Variants in SAFB2 observed in about 807,000 individuals in gnomAD.
SAFB2 encodes scaffold attachment factor B2.
Under a neutral mutation model 100.6 loss-of-function variants are expected in SAFB2, and 32 were observed. That is an observed-to-expected ratio of 0.32 (90% CI 0.24 to 0.43). The LOEUF (loss-of-function observed/expected upper bound fraction) is 0.43, where lower values mean the gene tolerates loss of function less well. Ranked by LOEUF, SAFB2 falls within the 20% of genes least tolerant of loss-of-function variation. SAFB2 has a pLI of 1.00. For synonymous variants in SAFB2, 500 were observed against 439.4 expected (o/e 1.14, Z -1.72); for missense variants, 1,185 against 1,163.4 (o/e 1.02, Z -0.27).
At position 5,598,794 on chromosome 19, in the gene SAFB2, C is replaced by G. The variant is rs1459487137; in HGVS notation, c.1781G>C (p.Arg594Thr). 2 of 1,614,088 alleles carry G rather than the reference C, an allele frequency of 1.2e-6. No homozygotes were observed. Among genetic ancestry groups the G allele is most frequent in the Non-Finnish European group, 1.7e-6 (2 of 1,179,934 alleles). ...SVKTTSRSKE[R>T]SSKSQDRKSE... ...TGAGATGGCAGAGGCAATACTCACTCTCTCTTTGGACCTGCTTGTGGTTTT... is the reference window on the plus strand; with the variant it reads ...TGAGATGGCAGAGGCAATACTCACTGTCTCTTTGGACCTGCTTGTGGTTTT... Residue 594 changes from arginine to threonine, a missense_variant and splice_region_variant, in exon 13 of 21, where the codon AGA becomes ACA. By Grantham distance (71) the Arg-to-Thr change is moderately conservative (BLOSUM62 -1). Coordinates refer to ENST00000252542, the MANE Select transcript of SAFB2 (RefSeq NM_014649.3).
chr19:5,588,861 G>A (rs1434535790), intron 18 of SAFB2: 2 of 152,274 alleles, frequency 1.3e-5, no homozygotes, highest in Non-Finnish European at 2.9e-5. Context: ...TGTGTGTCGT[G>A]TGAACTATAC....
At chr19:5,611,935 G>A in intron 6 of SAFB2, 1 of 499,474 alleles carries the variant, frequency 2.0e-6, no homozygotes, top group Non-Finnish European at 3.6e-6. Flanking sequence ...TCTTCTGACT[G>A]ATTTTCCAAT....
intron 9 of SAFB2, among the ~76,000 whole-genome samples, chr19:5,606,767 A>G (rs1568221267): frequency 6.6e-6 from 1 of 152,242 alleles, no homozygotes; most frequent in Non-Finnish European, 1.5e-5. Context: ...TTTCAAAATG[A>G]AGACAAAGTA....
intron 17 of SAFB2, 127 bp downstream of exon 17, chr19:5,591,621 T>C (rs934871395): frequency 1.8e-4 from 143 of 811,904 alleles, no homozygotes; most frequent in African/African-American, 1.7e-5. Context: ...CACACTTGCA[T>C]ACCCGCCACA....
intron 9 of SAFB2, among the ~76,000 whole-genome samples, chr19:5,608,307 A>T (rs1034362006): frequency 6.6e-6 from 1 of 152,176 alleles, no homozygotes; most frequent in Admixed American, 6.5e-5. Context: ...TAATACGCTC[A>T]TCACAACACA....
intron 12 of SAFB2, among the ~76,000 whole-genome samples, 187 bp from the exon 13 acceptor site, chr19:5,599,071 G>A (rs2052597786): frequency 6.6e-6 from 1 of 152,084 alleles, no homozygotes; most frequent in Admixed American, 6.5e-5. Context: ...CAGCATCATG[G>A]GGGTACCCTC....
At chr19:5,602,536 T>C (rs963401993) in intron 11 of SAFB2, among the ~76,000 whole-genome samples, 6 of 142,314 alleles carry the variant, frequency 4.2e-5, no homozygotes, top group African/African-American at 1.6e-4. Context: ...TTAAGAGCCA[T>C]GGGGCTCCGA....
intron 13 of SAFB2, among the ~76,000 whole-genome samples, chr19:5,597,541 C>T (rs1265562811): frequency 6.6e-6 from 1 of 152,210 alleles, no homozygotes; most frequent in African/African-American, 2.4e-5. Context: ...AGCTCCAGCA[C>T]ATCCTCTGTC....
chr19:5,612,438 G>C, intron 6 of SAFB2, 102 bp downstream of exon 6: 9 of 1,061,274 alleles, frequency 8.5e-6, no homozygotes, highest in Non-Finnish European at 1.2e-5. Context: ...TCCACCATTA[G>C]AGCAATTTAC....
chr19:5,593,914 C>T lies in SAFB2; in HGVS notation c.2184G>A (p.Gly728=), dbSNP rs748690083. 2.6e-6 allele frequency: 4 copies of T among 1,524,564 alleles called. No homozygotes were observed. The African/African-American group carries it at 4.2e-5, about 16-fold the overall frequency. 94.4% of individuals were successfully genotyped at this position (1,524,564 alleles called of 1,614,324 possible). The change falls in exon 15 of 21, where the codon GGG becomes GGA. Residue 728 remains glycine, a synonymous_variant. Transcript: ENST00000252542. The part of the protein sequence containing the change: ...QLRYEQERRP[G]RRPYDLDRRD... The stretch of plus-strand genomic sequence containing the variant: ...ACCGGTCCAGGTCGTAGGGCCTCCG[C>T]CCGGGCCGCCGCTCCTGCTCGTAAC...
chr19:5,611,781 T>G, intron 6 of SAFB2, 151 bp from the exon 7 acceptor site: 1 of 555,856 alleles, frequency 1.8e-6, no homozygotes, highest in Non-Finnish European at 3.3e-6. Context: ...CACAAAGTTA[T>G]ACTGGTTACA....
At chr19:5,601,021 C>G (rs1347492283) in intron 11 of SAFB2, among the ~76,000 whole-genome samples, 1 of 152,186 alleles carries the variant, frequency 6.6e-6, no homozygotes, top group Non-Finnish European at 1.5e-5. Context: ...CCAGCAAGCA[C>G]CTGTTGGCCT....
chr19:5,602,049 A>G (rs2052669718), intron 11 of SAFB2, among the ~76,000 whole-genome samples: 1 of 152,204 alleles, frequency 6.6e-6, no homozygotes. Flanking sequence ...CACAAGGCCA[A>G]CCACTAATCT....
In SAFB2 at chr19:5,592,681, C is replaced by A. The variant is rs142014220; in HGVS notation, c.2348+66G>T. On this transcript the variant is annotated intron_variant, in intron 16 of 20. Transcript: ENST00000252542. ...AGGAACCCCTGCACTGGGCTGAGAACGAGGTCAGCTGGATGCCCCGGTGCC... is the reference window on the plus strand; with the variant it reads ...AGGAACCCCTGCACTGGGCTGAGAAAGAGGTCAGCTGGATGCCCCGGTGCC... 519 of 1,588,030 alleles carry A rather than the reference C, an allele frequency of 3.3e-4. 1 individual carries two copies. The African/African-American group carries it at 6.3e-3, about 19-fold the overall frequency.
intron 18 of SAFB2, chr19:5,588,884 A>G (rs917103534): frequency 6.6e-6 from 1 of 152,222 alleles, no homozygotes; most frequent in African/African-American, 2.4e-5. Context: ...AAAGAAAGCT[A>G]TTTGTTTAAA....
chr19:5,588,422 C>T (rs1160342818), intron 18 of SAFB2, among the ~76,000 whole-genome samples: 1 of 152,152 alleles, frequency 6.6e-6, no homozygotes, highest in African/African-American at 2.4e-5. Context: ...GAAAACATGG[C>T]CAAAGACATC....
At chr19:5,602,906 C>CCCCCCA (rs1334047291) in intron 11 of SAFB2, among the ~76,000 whole-genome samples, 1 of 140,060 alleles carries the variant, frequency 7.1e-6, no homozygotes, top group African/African-American at 2.8e-5. Flanking sequence ...AGAGGGCTCA[C>CCCCCCA]CGCCCCCCCC....
rs1356103565 is a variant in SAFB2 at position 5,611,457 on chromosome 19, A to T, written c.808T>A (p.Leu270Ile). The change falls in exon 7 of 21, where the codon TTA (leucine) becomes ATA (isoleucine). Residue 270 changes from leucine to isoleucine, a missense_variant. Around this residue, in one of 3 missense-constraint regions of SAFB2, gnomAD observed 351 missense variants for 341.2 expected, o/e 1.03. Transcript: ENST00000252542. ...FDSAHPEEGD[L>I]DLASESTAHA... ...GCTGTTGACTCGCTGGCCAAATCTA[A>T]ATCACCCTCTTCCGGATGGGCGCTG... 8 of 385,814 alleles carry T rather than the reference A, an allele frequency of 2.1e-5. No homozygotes were observed. Among genetic ancestry groups the T allele is most frequent in the Admixed American group, 1.8e-4 (3 of 17,044 alleles). 23.9% of individuals were successfully genotyped at this position (385,814 alleles called of 1,614,324 possible). A position where few individuals can be genotyped will look rare whatever the true frequency, so the allele number is the denominator to read the frequency against.
In SAFB2 at chr19:5,616,176, C is replaced by T; in HGVS notation, c.499G>A (p.Ala167Thr). The T allele has an allele frequency of 6.2e-7, 1 of 1,614,228 alleles. No homozygotes were observed. The highest frequency in any genetic ancestry group is 1.7e-5 in the Admixed American group (1 of 60,024). ...GCCGGGAGCTGTCTCAGCTGTGCAG[C>T]CACGTATTCTTTACTATCACAAAAG... The part of the protein sequence containing the change: ...DSFCDSKEYV[A>T]AQLRQLPAQP... Residue 167 changes from alanine to threonine, a missense_variant, in exon 4 of 21, where the codon GCT becomes ACT. By Grantham distance (58) the Ala-to-Thr change is moderately conservative. Around this residue, in one of 3 missense-constraint regions of SAFB2, gnomAD observed 351 missense variants for 341.2 expected, o/e 1.03. Coordinates refer to ENST00000252542, the MANE Select transcript of SAFB2 (RefSeq NM_014649.3).
Sources: gnomAD v4.1 joint callset for allele counts (sites outside exome capture counted in the v4.1 genomes callset) on GRCh38, gnomAD v4.1.1 for gene constraint, gnomAD v4.1.1 regional missense constraint, MANE v1.5 for transcripts, NCBI Gene and HGNC (gene_info 2026-07-23, HGNC 2026-07-21) for gene names.